Variants in AMN1 observed in about 807,000 individuals in gnomAD.
AMN1 encodes the protein antagonist of mitotic exit network 1 homolog.
A neutral mutation model predicts 33.0 loss-of-function variants in AMN1; 20 were observed. The observed-to-expected ratio is 0.61, with a 90% CI of 0.43 to 0.88. The LOEUF is 0.88. Ranked by LOEUF, AMN1 falls within the 40% of genes least tolerant of loss-of-function variation. The pLI is 0.00. For missense variants in AMN1, 246 were observed against 307.4 expected, an observed-to-expected ratio of 0.80 and a Z score of 1.49; for synonymous variants, 114 against 111.9, an observed-to-expected ratio of 1.02 and a Z score of -0.12.
chr12:31,691,715 C>T (rs777095418), intron 5 of AMN1, among the ~76,000 whole-genome samples: 1 of 151,842 alleles, frequency 6.6e-6, no homozygotes, highest in Non-Finnish European at 1.5e-5. Flanking sequence ...GAAAAAGTAT[C>T]CATTTCTGTC....
intron 6 of AMN1, among the ~76,000 whole-genome samples, chr12:31,680,511 A>G (rs977863714): frequency 2.0e-5 from 3 of 152,114 alleles, no homozygotes; most frequent in Non-Finnish European, 4.4e-5. Flanking sequence ...CAAAACCATA[A>G]TTTTCATATT....
chr12:31,701,271 T>C (rs1289004051), intron 3 of AMN1, among the ~76,000 whole-genome samples: 1 of 152,038 alleles, frequency 6.6e-6, no homozygotes, highest in Non-Finnish European at 1.5e-5. Flanking sequence ...AGTGCTGGGA[T>C]TACAGGCATG....
At chr12:31,727,821 C>T (rs993276826) in intron 1 of AMN1, among the ~76,000 whole-genome samples, 1 of 152,190 alleles carries the variant, frequency 6.6e-6, no homozygotes, top group African/African-American at 2.4e-5. Context: ...CAACCTCTGC[C>T]TCCTGGGTTG....
At chr12:31,699,062 G>C (rs1938863183) in intron 3 of AMN1, among the ~76,000 whole-genome samples, 1 of 151,970 alleles carries the variant, frequency 6.6e-6, no homozygotes, top group South Asian at 2.1e-4. Context: ...GGGGGTCAGG[G>C]ACGGCAGGGA....
At chr12:31,723,112 C>G (rs577581696) in intron 1 of AMN1, among the ~76,000 whole-genome samples, 83 of 151,820 alleles carry the variant, frequency 5.5e-4, no homozygotes, top group African/African-American at 1.8e-3. Flanking sequence ...GAGCTGAGAT[C>G]GGGCCACTGC....
chr12:31,715,522 T>C (rs1592173876), intron 1 of AMN1: 1 of 170,600 alleles, frequency 5.9e-6, no homozygotes, highest in Non-Finnish European at 1.3e-5. Flanking sequence ...GCTGTTCTTT[T>C]ATTGATTTCT....
chr12:31,672,595 TA>T (rs544618868), intron 6 of AMN1: 6,762 of 305,298 alleles, frequency 0.022, no homozygotes, highest in East Asian at 0.032. Context: ...ATTACTTGTT[TA>T]AAAAAAAAAA....
chr12:31,685,322 C>T (rs1188416549), intron 6 of AMN1, among the ~76,000 whole-genome samples: 2 of 152,112 alleles, frequency 1.3e-5, no homozygotes, highest in Non-Finnish European at 2.9e-5. Context: ...AGCCACTTCG[C>T]CTGGCCTATA....
intron 3 of AMN1, among the ~76,000 whole-genome samples, chr12:31,698,161 T>G (rs7960893): frequency 0.25 from 37,762 of 152,148 alleles, 5,487 homozygotes; most frequent in Middle Eastern, 0.34. Flanking sequence ...CTCTACACAG[T>G]CTGTAGTATC....
At chr12:31,713,201 T>C (rs1388244627) in intron 1 of AMN1, among the ~76,000 whole-genome samples, 3 of 151,916 alleles carry the variant, frequency 2.0e-5, no homozygotes, top group African/African-American at 7.2e-5. Context: ...AGAGATGTAA[T>C]GTTCTCTCTG....
At position 31,676,851 on chromosome 12, in the gene AMN1, T is replaced by G. The variant is rs145473680; in HGVS notation, c.704-4474A>C. Among the ~76,000 whole-genome samples, 215 of 152,008 alleles carry G rather than the reference T, an allele frequency of 1.4e-3. 1 individual carries two copies. The highest frequency in any genetic ancestry group is 2.0e-3 in the Admixed American group (31 of 15,276). On this transcript the variant is annotated intron_variant, in intron 6 of 6. Coordinates refer to ENST00000281471, the MANE Select transcript of AMN1 (RefSeq NM_001113402.2). Reference sequence around the variant, plus strand: ...TTTGATGCCAGATGGCAGTGTTATATTACAGTCTCCTTAGGCAGCTTCTTC... The same window carrying G: ...TTTGATGCCAGATGGCAGTGTTATAGTACAGTCTCCTTAGGCAGCTTCTTC...
chr12:31,723,082 T>C (rs2139732853), intron 1 of AMN1, among the ~76,000 whole-genome samples: 1 of 151,916 alleles, frequency 6.6e-6, no homozygotes, highest in Non-Finnish European at 1.5e-5. Context: ...CACTTGAACC[T>C]GGGAGGCAGA....
At position 31,694,442 on chromosome 12, in the gene AMN1, CA is replaced by C. The variant is rs71062451; in HGVS notation, c.591+2918del. On this transcript the variant is annotated intron_variant, in intron 5 of 6. Coordinates refer to ENST00000281471, the MANE Select transcript of AMN1 (RefSeq NM_001113402.2). ...GGGCCACAAGAGCGAAACTCTGTCT[CA>C]AAAAAAAAAAAAAAAAAATTAAGGC... 2.3e-3 allele frequency among the ~76,000 whole-genome samples: 274 copies of C among 116,744 alleles called. 2 individuals carry two copies. Among genetic ancestry groups the C allele is most frequent in the Admixed American group, 6.1e-3 (68 of 11,208 alleles). 76.6% of individuals were successfully genotyped at this position (116,744 alleles called of 152,430 possible).
chr12:31,698,433 AC>A (rs1408943278), intron 3 of AMN1, among the ~76,000 whole-genome samples: 8 of 152,166 alleles, frequency 5.3e-5, no homozygotes, highest in Non-Finnish European at 1.2e-4. Context: ...CTCTCGCTCC[AC>A]TTTGACTCTG....
intron 1 of AMN1, chr12:31,714,619 G>A (rs905708653): frequency 6.6e-6 from 1 of 152,286 alleles, no homozygotes; most frequent in African/African-American, 2.4e-5. Context: ...TGAGCCTTGT[G>A]CTCGGCCTTA....
At chr12:31,708,360 A>G (rs7964800) in intron 2 of AMN1, among the ~76,000 whole-genome samples, 146,172 of 152,200 alleles carry the variant, frequency 0.96, 70,484 homozygotes, top group East Asian at 1. Flanking sequence ...ACTGAGATAC[A>G]CCCTGGTCTC....
chr12:31,714,935 T>C, intron 1 of AMN1: 2 of 982,924 alleles, frequency 2.0e-6, no homozygotes, highest in Non-Finnish European at 2.4e-6. Context: ...TTATTAACCA[T>C]TCAAGTCCAG....
In AMN1 at chr12:31,672,238, AT is replaced by A. The variant is rs1255969442; in HGVS notation, c.*65del. 4 of 1,081,664 alleles carry A rather than the reference AT, an allele frequency of 3.7e-6. No homozygotes were observed. In the African/African-American group the frequency reaches 6.3e-5, roughly 17 times the overall value. 67.0% of individuals were successfully genotyped at this position (1,081,664 alleles called of 1,614,324 possible). A position where few individuals can be genotyped will look rare whatever the true frequency, so the allele number is the denominator to read the frequency against. On this transcript the variant is annotated 3_prime_UTR_variant, in exon 7 of 7. Transcript: ENST00000281471. The stretch of plus-strand genomic sequence containing the variant: ...AACATTAAGTAGAATGCAAATCTCT[AT>A]AGATGGTTTCCTGGGAAAGTAGTTT...
intron 3 of AMN1, among the ~76,000 whole-genome samples, chr12:31,699,395 C>CAAAAAAAAAAAAAAAAAAAAA: frequency 2.2e-4 from 8 of 36,860 alleles, no homozygotes; most frequent in Non-Finnish European, 2.8e-4. Context: ...GACTCTGTCT[C>CAAAAAAAAAAAAAAAAAAAAA]AAAAAAAAAA....
Sources: gnomAD v4.1 joint callset for allele counts (sites outside exome capture counted in the v4.1 genomes callset) on GRCh38, gnomAD v4.1.1 for gene constraint, MANE v1.5 for transcripts, NCBI Gene and HGNC (gene_info 2026-07-23, HGNC 2026-07-21) for gene names.